The following RAN variants were observed in gnomAD, a reference collection of about 807,000 sequenced individuals.
RAN encodes GTP-binding nuclear protein Ran.
In RAN, 2 loss-of-function variants were observed where a neutral mutation model predicts 26.8. The ratio of observed to expected loss-of-function variants is 0.07; its 90% CI spans 0.03 to 0.23. The LOEUF (loss-of-function observed/expected upper bound fraction) is 0.23. Among genes scored for constraint, RAN ranks in the 10% least tolerant of loss-of-function variants. The pLI is 1.00. For missense variants in RAN, 56 were observed against 264.8 expected, an observed-to-expected ratio of 0.21 and a Z score of 5.47; for synonymous variants, 132 against 95.9, an observed-to-expected ratio of 1.38 and a Z score of -2.20.
chr12:130,872,725 G>T, intron 2 of RAN, 96 bp downstream of exon 2: 2 of 1,554,880 alleles, frequency 1.3e-6, no homozygotes, highest in Non-Finnish European at 1.8e-6. Context: ...ATGGGGCCCC[G>T]CATCCACATT....
At chr12:130,872,733 A>G in intron 2 of RAN, 103 bp from the exon 3 acceptor site, 2 of 1,567,926 alleles carry the variant, frequency 1.3e-6, no homozygotes, top group Middle Eastern at 1.8e-4. Context: ...CCGCATCCAC[A>G]TTCTTTGTTT....
At chr12:130,872,436 G>T (rs1439193963) in intron 1 of RAN, 148 bp from the exon 2 acceptor site, 10 of 295,362 alleles carry the variant, frequency 3.4e-5, no homozygotes, top group Non-Finnish European at 5.3e-5. Flanking sequence ...CCCGCCCGCC[G>T]CCTTCCCGCT....
At chr12:130,873,547 A>T (rs1053180801) in intron 4 of RAN, 12 of 174,854 alleles carry the variant, frequency 6.9e-5, no homozygotes, top group Non-Finnish European at 1.4e-4. Context: ...GTTATACAAG[A>T]CTAGCTGATT....
intron 1 of RAN, 163 bp from the exon 2 acceptor site, chr12:130,872,421 C>T (rs1953152646): frequency 4.7e-6 from 1 of 212,040 alleles, no homozygotes. Flanking sequence ...GCCCCGGATG[C>T]CGGCCCCGCC....
At chr12:130,875,807 G>C (rs112060445) in intron 6 of RAN, 25 bp downstream of exon 6, 165,318 of 1,613,936 alleles carry the variant, frequency 0.1, 9,170 homozygotes, top group Middle Eastern at 0.12. Flanking sequence ...TTGCTGTTCA[G>C]ATTGTTCGGT....
At chr12:130,874,783 TG>T in intron 5 of RAN, 50 bp downstream of exon 5, 2 of 1,443,354 alleles carry the variant, frequency 1.4e-6, no homozygotes, top group Non-Finnish European at 9.6e-7. Flanking sequence ...GGAGATTATA[TG>T]TAAGACCATG....
chr12:130,875,401 TGGA>T (rs1039914478), intron 5 of RAN, among the ~76,000 whole-genome samples: 3 of 151,840 alleles, frequency 2.0e-5, no homozygotes, highest in African/African-American at 7.3e-5. Flanking sequence ...TGTTTTTTTG[TGGA>T]GTTGGGGTCT....
intron 4 of RAN, chr12:130,874,195 C>A: frequency 4.4e-6 from 1 of 226,460 alleles, no homozygotes; most frequent in Non-Finnish European, 9.0e-6. Context: ...GTATAGCCAG[C>A]CATTTAAAGA....
Position 130,876,057 on chromosome 12 carries a change from T to G in RAN, c.*131T>G. On this transcript the variant is annotated 3_prime_UTR_variant, in exon 7 of 7. Coordinates refer to ENST00000543796, the MANE Select transcript of RAN (RefSeq NM_006325.5). ...AACATGTGCTTCATCTGTGGGATGC[T>G]GAAGGAGATGAGTGGGCTTCGGAGT... The G allele has an allele frequency of 1.1e-6, 1 of 910,688 alleles. No individual in the cohort carries two copies. The highest frequency in any genetic ancestry group is 1.7e-6 in the Non-Finnish European group (1 of 586,202). 56.4% of individuals were successfully genotyped at this position (910,688 alleles called of 1,614,324 possible).
intron 1 of RAN, 86 bp downstream of exon 1, chr12:130,872,212 G>A (rs1019927595): frequency 3.2e-5 from 5 of 154,842 alleles, no homozygotes; most frequent in Non-Finnish European, 7.1e-5. Context: ...GGCCAGGGCC[G>A]GGGCGGGTGG....
rs1953168949 is a variant in RAN at position 130,873,040 on chromosome 12, C to T, written c.159C>T (p.His53=). Residue 53 remains histidine, a synonymous_variant, in exon 4 of 7, where the codon CAC becomes CAT. Coordinates refer to ENST00000543796, the MANE Select transcript of RAN (RefSeq NM_006325.5). ...LGVEVHPLVF[H]TNRGPIKFNV... Reference sequence around the variant, plus strand: ...TTGAGGTTCATCCCCTAGTGTTCCACACCAACAGAGGACCTATTAAGTTCA... The same window carrying T: ...TTGAGGTTCATCCCCTAGTGTTCCATACCAACAGAGGACCTATTAAGTTCA... 1.2e-6 allele frequency: 2 copies of T among 1,614,188 alleles called. No homozygotes were observed. Among genetic ancestry groups the T allele is most frequent in the Non-Finnish European group, 1.7e-6 (2 of 1,180,028 alleles).
rs116832702 is a variant in RAN, at chr12:130,872,877, C to T, written c.78C>T (p.Phe26=). ...VGDGGTGKTT[F]VKRHLTGEFE... ...ATGGTGGTACTGGAAAAACGACCTT[C>T]GTGAAACGTCATTTGACTGGTGAAT... The change falls in exon 3 of 7, where the codon TTC becomes TTT. Residue 26 remains phenylalanine (F), a synonymous_variant. Coordinates refer to ENST00000543796, the MANE Select transcript of RAN (RefSeq NM_006325.5). The T allele has an allele frequency of 9.2e-5, 148 of 1,614,192 alleles. No homozygotes were observed. In the East Asian group the frequency reaches 1.1e-3, roughly 12 times the overall value.
intron 5 of RAN, among the ~76,000 whole-genome samples, chr12:130,874,976 G>A (rs140617033): frequency 6.6e-6 from 1 of 151,954 alleles, no homozygotes; most frequent in African/African-American, 2.4e-5. Flanking sequence ...GTACCACCAC[G>A]CCTGGCTAAT....
At chr12:130,874,422 G>A in intron 4 of RAN, 124 bp from the exon 5 acceptor site, 2 of 667,420 alleles carry the variant, frequency 3.0e-6, no homozygotes, top group Non-Finnish European at 4.9e-6. Flanking sequence ...GAAAGTGAGG[G>A]GAGAGATACA....
In RAN at chr12:130,875,621, A is replaced by G; in HGVS notation, c.445A>G (p.Ile149Val). 1 of 1,603,864 alleles carries G rather than the reference A, an allele frequency of 6.2e-7. No homozygotes were observed. Among genetic ancestry groups the G allele is most frequent in the Non-Finnish European group, 8.5e-7 (1 of 1,176,644 alleles). The change falls in exon 6 of 7, where the codon ATT becomes GTT. Residue 149 changes from isoleucine to valine, a missense_variant. Physicochemically the swap from Ile to Val is conservative, Grantham distance 29. Coordinates refer to ENST00000543796, the MANE Select transcript of RAN (RefSeq NM_006325.5). The part of the protein sequence containing the change: ...HRKKNLQYYD[I>V]SAKSNYNFEK... ...CCTTTCTTTTAAACAGTACTACGAC[A>G]TTTCTGCCAAAAGTAACTACAACTT...
intron 4 of RAN, chr12:130,873,952 A>G (rs148129421): frequency 2.3e-5 from 7 of 301,024 alleles, no homozygotes; most frequent in African/African-American, 1.1e-4. Flanking sequence ...AGCTCAAGCC[A>G]TCCTCTTACC....
At chr12:130,874,457 A>G (rs907878523) in intron 4 of RAN, 89 bp from the exon 5 acceptor site, 40 of 1,063,568 alleles carry the variant, frequency 3.8e-5, no homozygotes, top group East Asian at 3.4e-4. Context: ...GTCTAAGACT[A>G]TAACTAGTTG....
chr12:130,875,832 C>T (rs1312795976), intron 6 of RAN, 50 bp downstream of exon 6: 3 of 1,613,914 alleles, frequency 1.9e-6, no homozygotes, highest in South Asian at 1.1e-5. Context: ...CTTGTTTATT[C>T]CTGGCAGTTT....
In RAN at chr12:130,876,166, A is replaced by G. The variant is rs1215736630; in HGVS notation, c.*240A>G. ...GAACGCAGTTGATTCCTTGAGTTTC[A>G]TATATAAGACTGCTGCAGTCACATC... is the stretch of plus-strand genomic sequence containing the variant. On this transcript the variant is annotated 3_prime_UTR_variant, in exon 7 of 7. Transcript: ENST00000543796. 1.8e-5 allele frequency: 10 copies of G among 557,068 alleles called. No individual in the cohort carries two copies. The East Asian group carries it at 2.1e-4, about 12-fold the overall frequency. 34.5% of individuals were successfully genotyped at this position (557,068 alleles called of 1,614,324 possible).
Sources: gnomAD v4.1 joint callset for allele counts (sites outside exome capture counted in the v4.1 genomes callset) on GRCh38, gnomAD v4.1.1 for gene constraint, MANE v1.5 for transcripts, NCBI Gene and HGNC (gene_info 2026-07-23, HGNC 2026-07-21) for gene names.